ARHGAP26: variants seen among roughly 807,000 people sequenced by gnomAD.
ARHGAP26 encodes the protein rho GTPase-activating protein 26.
ARHGAP26 carries 38 observed loss-of-function variants against 104.8 expected under a neutral mutation model. The observed-to-expected ratio is 0.36, with a 90% CI of 0.28 to 0.48. The LOEUF is 0.48. ARHGAP26 is among the 20% of genes least tolerant of loss of function. The pLI is 0.99. For missense variants in ARHGAP26, 704 were observed against 947.9 expected (o/e 0.74, Z 3.38); for synonymous variants, 341 against 340.0 (o/e 1.00, Z -0.03).
At chr5:142,957,820 C>T (rs935547228) in intron 11 of ARHGAP26, among the ~76,000 whole-genome samples, 1 of 152,220 alleles carries the variant, frequency 6.6e-6, no homozygotes, top group African/African-American at 2.4e-5. Flanking sequence ...CTGCAAACAG[C>T]GCTCTCTCTT....
intron 22 of ARHGAP26, among the ~76,000 whole-genome samples, chr5:143,220,730 G>A (rs114641556): frequency 0.023 from 3,494 of 152,206 alleles, 62 homozygotes; most frequent in Middle Eastern, 0.054. Flanking sequence ...ATCTGAAATT[G>A]GCCAACTTTG....
chr5:143,156,332 A>G (rs530707024), intron 20 of ARHGAP26, among the ~76,000 whole-genome samples: 1 of 152,306 alleles, frequency 6.6e-6, no homozygotes, highest in Admixed American at 6.5e-5. Flanking sequence ...CCTTCTCTGC[A>G]TTAGGGATCT....
intron 20 of ARHGAP26, among the ~76,000 whole-genome samples, chr5:143,155,655 A>C (rs1800389932): frequency 6.6e-6 from 1 of 152,216 alleles, no homozygotes. Flanking sequence ...GGGAGGAGGT[A>C]AGGGCAGAGC....
At chr5:143,191,889 G>T (rs926711919) in intron 20 of ARHGAP26, among the ~76,000 whole-genome samples, 4 of 152,216 alleles carry the variant, frequency 2.6e-5, no homozygotes, top group Non-Finnish European at 5.9e-5. Context: ...GTGGCCATAT[G>T]TGGAGCTGTC....
intron 1 of ARHGAP26, among the ~76,000 whole-genome samples, chr5:142,813,135 G>T (rs35642579): frequency 2.6e-5 from 4 of 151,994 alleles, no homozygotes; most frequent in Non-Finnish European, 5.9e-5. Context: ...TAGAGATGGG[G>T]TTTCACCGTG....
chr5:142,865,683 T>A (rs1462221556), intron 1 of ARHGAP26, among the ~76,000 whole-genome samples: 1 of 152,186 alleles, frequency 6.6e-6, no homozygotes, highest in Non-Finnish European at 1.5e-5. Context: ...AACAAAGTTC[T>A]GGGCCAGCTC....
rs145936986 is a variant in ARHGAP26, at chr5:142,956,569, T to C, written c.1107+24444T>C. On this transcript the variant is annotated intron_variant, in intron 11 of 22. Transcript: ENST00000645722. ...TCCAGCCTGGGTGACAGAGAGCCTG[T>C]CTCAAACAAAACAAAACAAAATAAA... 3.0e-4 allele frequency among the ~76,000 whole-genome samples: 45 copies of C among 152,196 alleles called. No individual in the cohort carries two copies. The Middle Eastern group carries it at 0.01, about 35-fold the overall frequency.
At chr5:143,167,013 A>G (rs1296176266) in intron 20 of ARHGAP26, among the ~76,000 whole-genome samples, 1 of 152,256 alleles carries the variant, frequency 6.6e-6, no homozygotes, top group Admixed American at 6.5e-5. Flanking sequence ...GTCTGGATAA[A>G]GAACTAGCTA....
At chr5:142,848,784 CAG>C (rs1275834153) in intron 1 of ARHGAP26, among the ~76,000 whole-genome samples, 1 of 152,162 alleles carries the variant, frequency 6.6e-6, no homozygotes, top group Admixed American at 6.5e-5. Context: ...TTCCTTAAGA[CAG>C]GGGCCTGCTC....
chr5:142,980,233 T>C (rs559279131), intron 11 of ARHGAP26, among the ~76,000 whole-genome samples: 1 of 152,254 alleles, frequency 6.6e-6, no homozygotes, highest in African/African-American at 2.4e-5. Flanking sequence ...AGCAGTAGTT[T>C]GTTCTGATTG....
intron 8 of ARHGAP26, among the ~76,000 whole-genome samples, chr5:142,907,070 A>G (rs1761205330): frequency 6.6e-6 from 1 of 152,208 alleles, no homozygotes; most frequent in Admixed American, 6.5e-5. Flanking sequence ...TTGAGGTGAC[A>G]TACTAATCTT....
At position 142,783,807 on chromosome 5, in the gene ARHGAP26, G is replaced by A. The variant is rs1386813086; in HGVS notation, c.154+12892G>A. ...AGGAAATTAGTGCTGCTTTCACTCT[G>A]CTATTTGCTTCTTAAGAAAATCTGT... On this transcript the variant is annotated intron_variant, in intron 1 of 22. Transcript: ENST00000645722. Among the ~76,000 whole-genome samples the A allele has an allele frequency of 2.0e-5, 3 of 152,326 alleles. No individual in the cohort carries two copies. In the East Asian group the frequency reaches 5.8e-4, roughly 29 times the overall value.
intron 22 of ARHGAP26, among the ~76,000 whole-genome samples, chr5:143,214,553 G>A (rs182875516): frequency 4.6e-5 from 7 of 152,154 alleles, no homozygotes; most frequent in African/African-American, 9.7e-5. Flanking sequence ...CCTCACTTTT[G>A]TCTGGGCAGT....
intron 11 of ARHGAP26, among the ~76,000 whole-genome samples, chr5:142,989,690 G>T (rs1489159639): frequency 2.6e-5 from 4 of 152,124 alleles, no homozygotes; most frequent in East Asian, 1.9e-4. Context: ...GTCTGTAAAA[G>T]ATTTTATTTC....
chr5:143,134,681 A>G (rs879820163), intron 19 of ARHGAP26, among the ~76,000 whole-genome samples: 1 of 152,234 alleles, frequency 6.6e-6, no homozygotes, highest in Non-Finnish European at 1.5e-5. Flanking sequence ...CCACAATTAT[A>G]TCACATCCGT....
chr5:143,098,018 G>C, intron 17 of ARHGAP26, among the ~76,000 whole-genome samples: 1 of 151,936 alleles, frequency 6.6e-6, no homozygotes, highest in East Asian at 1.9e-4. Context: ...TTCTGCCTTG[G>C]AATCTTCTCA....
At chr5:142,938,967 A>G (rs1765849155) in intron 11 of ARHGAP26, among the ~76,000 whole-genome samples, 1 of 152,236 alleles carries the variant, frequency 6.6e-6, no homozygotes, top group Admixed American at 6.5e-5. Context: ...AGAAGGTAAG[A>G]AACAGATACT....
At chr5:143,083,218 C>T (rs1393697885) in intron 17 of ARHGAP26, among the ~76,000 whole-genome samples, 1 of 152,242 alleles carries the variant, frequency 6.6e-6, no homozygotes. Flanking sequence ...ATCACTTCCT[C>T]TGGAAACTGG....
chr5:143,136,567 C>T (rs981859982), intron 19 of ARHGAP26, among the ~76,000 whole-genome samples: 3 of 152,140 alleles, frequency 2.0e-5, no homozygotes, highest in African/African-American at 7.2e-5. Context: ...TTTAGAGACC[C>T]CTTTTTTTCT....
Sources: gnomAD v4.1 joint callset for allele counts (sites outside exome capture counted in the v4.1 genomes callset) on GRCh38, gnomAD v4.1.1 for gene constraint, MANE v1.5 for transcripts, NCBI Gene and HGNC (gene_info 2026-07-23, HGNC 2026-07-21) for gene names.